The following WWOX variants were observed in gnomAD, a reference collection of about 807,000 sequenced individuals.
WWOX encodes the protein WW domain containing oxidoreductase.
WWOX carries 69 observed loss-of-function variants against 46.2 expected under a neutral mutation model. That is an observed-to-expected ratio of 1.49 (90% confidence interval 1.23 to 1.82). The LOEUF is 1.82. Ranked by LOEUF, WWOX falls within the 40% of genes most tolerant of loss-of-function variation. The probability of loss-of-function intolerance (pLI) is 0.00; values close to 1 mark genes in which losing one functional copy is unlikely to be tolerated. For missense variants in WWOX, 919 were observed against 542.6 expected (o/e 1.69, Z -6.89); for synonymous variants, 359 against 202.6 (o/e 1.77, Z -6.56).
At position 78,978,793 on chromosome 16, in the gene WWOX, C is replaced by CATTT. The variant is rs550791401; in HGVS notation, c.1057-232812_1057-232809dup. ...CAACACCAAGGAGATACTGCTAAAT[C>CATTT]ATTTATGAAGGGTTCATCCTCATGA... On this transcript the variant is annotated intron_variant, in intron 8 of 8. Transcript: ENST00000566780. 3.5e-3 allele frequency among the ~76,000 whole-genome samples: 533 copies of CATTT among 152,286 alleles called. 4 individuals are homozygous for CATTT. Among genetic ancestry groups the CATTT allele is most frequent in the African/African-American group, 0.013 (521 of 41,548 alleles).
At chr16:78,651,107 A>G (rs2046956305) in intron 8 of WWOX, among the ~76,000 whole-genome samples, 1 of 152,206 alleles carries the variant, frequency 6.6e-6, no homozygotes, top group African/African-American at 2.4e-5. Flanking sequence ...CCCTGACCCA[A>G]GGCCCAGGTA....
chr16:78,218,612 C>T (rs1022694419), intron 5 of WWOX, among the ~76,000 whole-genome samples: 6 of 152,208 alleles, frequency 3.9e-5, no homozygotes, highest in Non-Finnish European at 8.8e-5. Context: ...AAAGCAGCTA[C>T]ATTAATGACA....
intron 8 of WWOX, among the ~76,000 whole-genome samples, chr16:78,741,871 A>G (rs2049236363): frequency 6.6e-6 from 1 of 152,234 alleles, no homozygotes; most frequent in Admixed American, 6.5e-5. Context: ...ATACATACAT[A>G]CAACATAAAG....
chr16:79,075,193 A>T (rs922690798), intron 8 of WWOX, among the ~76,000 whole-genome samples: 1 of 152,252 alleles, frequency 6.6e-6, no homozygotes, highest in Non-Finnish European at 1.5e-5. Flanking sequence ...CTGCATTTGT[A>T]TGAAGCTTCC....
In WWOX at chr16:79,044,437, G is replaced by C. The variant is rs2048029710; in HGVS notation, c.1057-167171G>C. Among the ~76,000 whole-genome samples the C allele has an allele frequency of 2.0e-5, 3 of 152,052 alleles. No homozygotes were observed. In the Admixed American group the frequency reaches 2.0e-4, roughly 10 times the overall value. On this transcript the variant is annotated intron_variant, in intron 8 of 8. Coordinates refer to ENST00000566780, the MANE Select transcript of WWOX (RefSeq NM_016373.4). ...CTCTTGGTACTGTCCTCACGATAGT[G>C]AGTGAGTTGTTGGGGGAGCTGGTCA... is the stretch of plus-strand genomic sequence containing the variant.
chr16:78,968,704 C>G (rs1445965417), intron 8 of WWOX, among the ~76,000 whole-genome samples: 5 of 152,018 alleles, frequency 3.3e-5, no homozygotes, highest in East Asian at 1.9e-4. Flanking sequence ...TTTCTTCTTC[C>G]TCTTCTTCTT....
chr16:78,565,803 AG>A (rs1423096701), intron 8 of WWOX, among the ~76,000 whole-genome samples: 2 of 152,082 alleles, frequency 1.3e-5, no homozygotes, highest in African/African-American at 4.8e-5. Context: ...AGCTTTATCC[AG>A]GGGGCCACTC....
At chr16:78,661,038 T>G (rs576940422) in intron 8 of WWOX, among the ~76,000 whole-genome samples, 17 of 152,342 alleles carry the variant, frequency 1.1e-4, no homozygotes, top group Middle Eastern at 3.4e-3. Context: ...TAGTAATGAA[T>G]GTTCCTGCAT....
chr16:78,441,964 G>T, intron 8 of WWOX, among the ~76,000 whole-genome samples: 1 of 125,254 alleles, frequency 8.0e-6, no homozygotes, highest in Non-Finnish European at 1.6e-5. Flanking sequence ...GCATGAGTGT[G>T]TGTGTGTGTG....
intron 8 of WWOX, among the ~76,000 whole-genome samples, chr16:78,830,909 C>CA (rs764070735): frequency 2.2e-4 from 33 of 152,094 alleles, no homozygotes; most frequent in East Asian, 1.9e-4. Flanking sequence ...GGTGCGTCTT[C>CA]TTCATTTATT....
intron 5 of WWOX, among the ~76,000 whole-genome samples, chr16:78,386,421 T>C (rs1364785570): frequency 6.6e-6 from 1 of 152,204 alleles, no homozygotes; most frequent in Non-Finnish European, 1.5e-5. Flanking sequence ...CTTTGATTTT[T>C]GATGCAGGTT....
At chr16:79,115,561 AAAC>A (rs2049499904) in intron 8 of WWOX, among the ~76,000 whole-genome samples, 1 of 152,236 alleles carries the variant, frequency 6.6e-6, no homozygotes, top group African/African-American at 2.4e-5. Flanking sequence ...TCTAAACTCA[AAAC>A]AAGCCAGTAA....
chr16:79,070,307 T>TG (rs1567529197), intron 8 of WWOX, among the ~76,000 whole-genome samples: 2 of 150,338 alleles, frequency 1.3e-5, no homozygotes, highest in African/African-American at 4.9e-5. Flanking sequence ...TGTGTGTGTG[T>TG]TTTCCAGAAA....
chr16:78,886,871 A>T (rs999875518), intron 8 of WWOX, among the ~76,000 whole-genome samples: 1 of 152,022 alleles, frequency 6.6e-6, no homozygotes, highest in African/African-American at 2.4e-5. Flanking sequence ...TGGGATTGTG[A>T]TGCACAGATA....
chr16:78,539,935 T>A (rs2043848159), intron 8 of WWOX, among the ~76,000 whole-genome samples: 1 of 151,958 alleles, frequency 6.6e-6, no homozygotes, highest in South Asian at 2.1e-4. Context: ...TACATTTAAA[T>A]ACAGGCCTTT....
At chr16:79,169,193 G>C (rs951434502) in intron 8 of WWOX, among the ~76,000 whole-genome samples, 1 of 152,212 alleles carries the variant, frequency 6.6e-6, no homozygotes, top group African/African-American at 2.4e-5. Context: ...CATGTCCAAA[G>C]TCTCCCATTT....
intron 8 of WWOX, among the ~76,000 whole-genome samples, chr16:78,441,647 T>A (rs924894744): frequency 6.6e-6 from 1 of 152,084 alleles, no homozygotes; most frequent in African/African-American, 2.4e-5. Context: ...GCCCTAGCTC[T>A]CTCCCATTCT....
intron 8 of WWOX, among the ~76,000 whole-genome samples, chr16:78,856,391 G>A (rs543423636): frequency 5.8e-4 from 88 of 152,254 alleles, no homozygotes; most frequent in African/African-American, 1.9e-3. Context: ...GCCTGTAATC[G>A]CAGCACTTTG....
At chr16:78,135,199 A>G (rs1030783820) in intron 4 of WWOX, among the ~76,000 whole-genome samples, 1 of 152,206 alleles carries the variant, frequency 6.6e-6, no homozygotes, top group African/African-American at 2.4e-5. Context: ...CAACAACTCA[A>G]GAGTCGTTAT....
Sources: gnomAD v4.1 joint callset for allele counts (sites outside exome capture counted in the v4.1 genomes callset) on GRCh38, gnomAD v4.1.1 for gene constraint, MANE v1.5 for transcripts, NCBI Gene and HGNC (gene_info 2026-07-23, HGNC 2026-07-21) for gene names.